Variants in RBM17 observed in about 807,000 individuals in gnomAD.
RBM17 encodes the protein splicing factor 45.
A neutral mutation model predicts 53.2 loss-of-function variants in RBM17; 7 were observed. The ratio of observed to expected loss-of-function variants is 0.13; its 90% confidence interval spans 0.07 to 0.25. The LOEUF (loss-of-function observed/expected upper bound fraction) is 0.25. Ranked by LOEUF, RBM17 falls within the 10% of genes least tolerant of loss-of-function variation. The pLI, the probability that RBM17 is intolerant of heterozygous loss-of-function variation, is 1.00. For missense variants in RBM17, 257 were observed against 496.7 expected (o/e 0.52, Z 4.59); for synonymous variants, 167 against 178.1 (o/e 0.94, Z 0.50).
chr10:6,113,170 C>T (rs1251299424), intron 8 of RBM17: 1 of 227,016 alleles, frequency 4.4e-6, no homozygotes, highest in Non-Finnish European at 8.8e-6. Flanking sequence ...GGCCCGTGAC[C>T]TTGAACGTTT....
rs1454464910 is a variant in RBM17 at position 6,112,724 on chromosome 10, A to T, written c.856+363A>T. On this transcript the variant is annotated intron_variant, in intron 8 of 11. Transcript: ENST00000379888. The surrounding 1 kb of genome is among the most constrained non-coding windows in gnomAD (Gnocchi z 4.4). ...GACAGAGCCATATAGTGTGGCAGTG[A>T]ATATACCTGCTATCTCCATCTCAGA... 2 of 311,466 alleles carry T rather than the reference A, an allele frequency of 6.4e-6. No homozygotes were observed. The highest frequency in any genetic ancestry group is 1.2e-5 in the Non-Finnish European group (2 of 160,774). The allele number at this position is 311,466 out of a possible 1,614,324, so 19.3% of individuals were successfully genotyped here.
Position 6,112,157 on chromosome 10 carries a change from T to C in RBM17, c.705-53T>C. 5.0e-6 allele frequency: 8 copies of C among 1,584,498 alleles called. No homozygotes were observed. The highest frequency in any genetic ancestry group is 6.8e-6 in the Non-Finnish European group (8 of 1,168,440). On this transcript the variant is annotated intron_variant, in intron 7 of 11. Coordinates refer to ENST00000379888, the MANE Select transcript of RBM17 (RefSeq NM_032905.5). This position sits in a 1 kb window ranked among gnomAD's most constrained non-coding sequence, Gnocchi z 4.4. ...TGTTGTGATGGAAAAATGCAACCTA[T>C]CTCCAGTTGACGATGTCAAGGCTAA...
Position 6,116,852 on chromosome 10 carries a change from A to G in RBM17, c.*1296A>G, listed in dbSNP as rs1009359595. ...ATTTTATCTTTTGTGGTATTATTTT[A>G]TTGAATAAAATTGAGTTTTATGATA... is the stretch of plus-strand genomic sequence containing the variant. On this transcript the variant is annotated 3_prime_UTR_variant, in exon 12 of 12. Coordinates refer to ENST00000379888, the MANE Select transcript of RBM17 (RefSeq NM_032905.5). The G allele has an allele frequency of 2.0e-5, 3 of 152,346 alleles. No homozygotes were observed. Among genetic ancestry groups the G allele is most frequent in the Non-Finnish European group, 4.4e-5 (3 of 68,028 alleles). The allele number at this position is 152,346 out of a possible 1,614,324, so 9.4% of individuals were successfully genotyped here.
intron 2 of RBM17, among the ~76,000 whole-genome samples, chr10:6,100,040 C>T (rs908727161): frequency 2.0e-5 from 3 of 151,984 alleles, no homozygotes; most frequent in Non-Finnish European, 2.9e-5. Flanking sequence ...CAGAGCAAGA[C>T]TCCATCTCAA....
chr10:6,111,334 G>A (rs6602450), intron 7 of RBM17, among the ~76,000 whole-genome samples: 39,719 of 152,074 alleles, frequency 0.26, 5,661 homozygotes, highest in Middle Eastern at 0.38. Context: ...ATTAACAGCT[G>A]TACAAATAAT....
chr10:6,108,521 G>A (rs1158134123), intron 5 of RBM17, 165 bp from the exon 6 acceptor site: 2 of 504,202 alleles, frequency 4.0e-6, no homozygotes, highest in Non-Finnish European at 7.2e-6. Flanking sequence ...TTAAATCCTA[G>A]CATCAGAGGT....
In RBM17 at chr10:6,113,560, T is replaced by C; in HGVS notation, c.909T>C (p.Pro303=). Reference sequence around the variant, plus strand: ...CGCTGACTGAAATACTTAAGTGTCCTACTAAAGTGGTCTTACTAAGGGTAA... The same window carrying C: ...CGCTGACTGAAATACTTAAGTGTCCCACTAAAGTGGTCTTACTAAGGGTAA... ...SNPLTEILKC[P]TKVVLLRNMV... The change falls in exon 9 of 12, where the codon CCT becomes CCC. Residue 303 remains proline (P), a synonymous_variant. Transcript: ENST00000379888. 1.9e-6 allele frequency: 3 copies of C among 1,611,972 alleles called. No individual in the cohort carries two copies. The highest frequency in any genetic ancestry group is 1.3e-5 in the African/African-American group (1 of 75,004).
chr10:6,098,434 G>A (rs1340471643), intron 2 of RBM17, among the ~76,000 whole-genome samples: 1 of 152,172 alleles, frequency 6.6e-6, no homozygotes, highest in Non-Finnish European at 1.5e-5. Flanking sequence ...CCGGGCAGGG[G>A]AGGGAGGGAA....
At chr10:6,107,479 C>CTTTTTTTTTTT (rs71390124) in intron 5 of RBM17, among the ~76,000 whole-genome samples, 1,283 of 56,526 alleles carry the variant, frequency 0.023, 232 homozygotes, top group Middle Eastern at 0.029. Flanking sequence ...CACCCGGCCT[C>CTTTTTTTTTTT]TTTTTTTTTT....
At position 6,114,059 on chromosome 10, in the gene RBM17, G is replaced by T; in HGVS notation, c.941G>T (p.Gly314Val). The T allele has an allele frequency of 6.2e-7, 1 of 1,611,608 alleles. No individual in the cohort carries two copies. The highest frequency in any genetic ancestry group is 8.5e-7 in the Non-Finnish European group (1 of 1,177,960). ...TTTTTGTGTTTAAAGAACATGGTTG[G>T]TGCGGGAGAGGTGGATGAAGACTTG... ...TKVVLLRNMVGAGEVDEDLEV... is the reference protein window; with the variant it reads ...TKVVLLRNMVVAGEVDEDLEV... The change falls in exon 10 of 12, where the codon GGT (glycine) becomes GTT (valine). Residue 314 changes from glycine to valine, a missense_variant. Around this residue, in one of 6 missense-constraint regions of RBM17, gnomAD observed 49 missense variants for 114.8 expected, o/e 0.43. Transcript: ENST00000379888.
chr10:6,101,366 G>A lies in RBM17; in HGVS notation c.219G>A (p.Pro73=), dbSNP rs145617186. 3.7e-6 allele frequency: 6 copies of A among 1,611,822 alleles called. No individual in the cohort carries two copies. The highest frequency in any genetic ancestry group is 2.2e-5 in the East Asian group (1 of 44,810). The change falls in exon 3 of 12, where the codon CCG becomes CCA. Residue 73 remains proline, a synonymous_variant. Coordinates refer to ENST00000379888, the MANE Select transcript of RBM17 (RefSeq NM_032905.5). ...ACCGGCAAATTGTGGACACTCCACC[G>A]CATGTAGCAGCTGGGCTGAAGGTAA... ...SDDRQIVDTP[P]HVAAGLKDPV... is the part of the protein sequence containing the mutation.
At position 6,098,383 on chromosome 10, in the gene RBM17, G is replaced by A. The variant is rs927331637; in HGVS notation, c.123+1195G>A. Among the ~76,000 whole-genome samples the A allele has an allele frequency of 2.6e-5, 4 of 152,188 alleles. No individual in the cohort carries two copies. In the South Asian group the frequency reaches 8.3e-4, roughly 32 times the overall value. On this transcript the variant is annotated intron_variant, in intron 2 of 11. Coordinates refer to ENST00000379888, the MANE Select transcript of RBM17 (RefSeq NM_032905.5). ...TGTGTACTGAAATATTTACCGATAA[G>A]ATGATGTCATTTTTGGGATTTACTT...
intron 11 of RBM17, 35 bp from the exon 12 acceptor site, chr10:6,115,418 A>T: frequency 6.5e-7 from 1 of 1,537,254 alleles, no homozygotes; most frequent in East Asian, 2.2e-5. Flanking sequence ...ATCTTATAGG[A>T]TACCTGTATT....
intron 1 of RBM17, among the ~76,000 whole-genome samples, chr10:6,092,020 C>G (rs1378296125): frequency 6.6e-6 from 1 of 152,192 alleles, no homozygotes; most frequent in Non-Finnish European, 1.5e-5. Flanking sequence ...CTTGAAAACT[C>G]ACCATTCTTC....
chr10:6,106,381 T>C (rs755205440), intron 5 of RBM17, 143 bp downstream of exon 5: 2 of 604,946 alleles, frequency 3.3e-6, no homozygotes, highest in Non-Finnish European at 3.0e-6. Context: ...GCAATACACA[T>C]TTGCGTCACA....
chr10:6,099,496 C>T (rs371117076), intron 2 of RBM17, among the ~76,000 whole-genome samples: 1 of 152,042 alleles, frequency 6.6e-6, no homozygotes, highest in East Asian at 1.9e-4. Flanking sequence ...AAAATCCAAG[C>T]GTGCCCAAGT....
At chr10:6,099,279 GT>G (rs34225886) in intron 2 of RBM17, among the ~76,000 whole-genome samples, 47 of 146,674 alleles carry the variant, frequency 3.2e-4, no homozygotes, top group African/African-American at 3.8e-4. Context: ...AGTTTTGTGG[GT>G]TTTTTTTTTT....
chr10:6,116,940 A>G lies in RBM17; in HGVS notation c.*1384A>G, dbSNP rs1403005246. 6.6e-6 allele frequency: 1 copy of G among 152,354 alleles called. No individual in the cohort carries two copies. Among genetic ancestry groups the G allele is most frequent in the Non-Finnish European group, 1.5e-5 (1 of 68,040 alleles). 9.4% of individuals were successfully genotyped at this position (152,354 alleles called of 1,614,324 possible). On this transcript the variant is annotated 3_prime_UTR_variant, in exon 12 of 12. Transcript: ENST00000379888. ...GAATGTGAGGTAAATTACATAATTG[A>G]ACATTGTGGAAGACAGAATCAAAAG... is the stretch of plus-strand genomic sequence containing the variant.
At position 6,116,127 on chromosome 10, in the gene RBM17, C is replaced by T. The variant is rs1343471485; in HGVS notation, c.*571C>T. On this transcript the variant is annotated 3_prime_UTR_variant, in exon 12 of 12. Coordinates refer to ENST00000379888, the MANE Select transcript of RBM17 (RefSeq NM_032905.5). ...ATAAGATTGAAGAATTGTGAACATA[C>T]CATGGCCTATTGGATGAATCATTTG... is the stretch of plus-strand genomic sequence containing the variant. The T allele has an allele frequency of 6.6e-6, 1 of 152,366 alleles. No individual in the cohort carries two copies. The highest frequency in any genetic ancestry group is 2.4e-5 in the African/African-American group (1 of 41,428). 9.4% of individuals were successfully genotyped at this position (152,366 alleles called of 1,614,324 possible). A position where few individuals can be genotyped will look rare whatever the true frequency, so the allele number is the denominator to read the frequency against.
Sources: gnomAD v4.1 joint callset for allele counts (sites outside exome capture counted in the v4.1 genomes callset) on GRCh38, gnomAD v4.1.1 for gene constraint, gnomAD v4.1.1 regional missense constraint, Gnocchi (gnomAD v3.1) non-coding constraint, MANE v1.5 for transcripts, NCBI Gene and HGNC (gene_info 2026-07-23, HGNC 2026-07-21) for gene names.